CTDSPL2: variants seen among roughly 807,000 people sequenced by gnomAD.
The protein encoded by CTDSPL2 is CTD small phosphatase like 2.
In CTDSPL2, 5 loss-of-function variants were observed where a neutral mutation model predicts 60.0. The observed-to-expected ratio is 0.08, with a 90% CI of 0.04 to 0.18. The LOEUF is 0.18. CTDSPL2 is among the 10% of genes least tolerant of loss of function. The pLI is 1.00. For synonymous variants in CTDSPL2, 186 were observed against 189.3 expected (o/e 0.98, Z 0.14); for missense variants, 370 against 548.8 (o/e 0.67, Z 3.26).
chr15:44,516,957 A>C (rs2081664365), intron 10 of CTDSPL2: 1 of 152,008 alleles, frequency 6.6e-6, no homozygotes. Context: ...CTCCTGCCTC[A>C]GCCTCCTGAT....
chr15:44,516,103 A>G (rs2081650202), intron 10 of CTDSPL2, among the ~76,000 whole-genome samples: 1 of 150,296 alleles, frequency 6.7e-6, no homozygotes, highest in African/African-American at 2.5e-5. Flanking sequence ...AGTAGCTGGG[A>G]CTACAGGTGT....
intron 8 of CTDSPL2, chr15:44,501,816 T>G (rs2081386360): frequency 3.0e-6 from 1 of 334,624 alleles, no homozygotes; most frequent in East Asian, 7.7e-5. Context: ...TAGTTAATAT[T>G]GGGTACATTC....
At chr15:44,462,382 A>G (rs766779206) in intron 2 of CTDSPL2, among the ~76,000 whole-genome samples, 15 of 152,038 alleles carry the variant, frequency 9.9e-5, no homozygotes, top group South Asian at 4.1e-4. Flanking sequence ...AGGGAAGACA[A>G]TTTTTCCAGG....
At chr15:44,486,826 A>T (rs2081129534) in intron 4 of CTDSPL2, 126 bp downstream of exon 4, 1 of 624,192 alleles carries the variant, frequency 1.6e-6, no homozygotes, top group African/African-American at 2.0e-5. Flanking sequence ...CAGTGACGCG[A>T]TCTCCCCGCT....
At chr15:44,438,136 C>T (rs982921754) in intron 1 of CTDSPL2, among the ~76,000 whole-genome samples, 2 of 152,112 alleles carry the variant, frequency 1.3e-5, no homozygotes, top group African/African-American at 4.8e-5. Flanking sequence ...TGGTGGTGGG[C>T]GCCTGTAGTC....
intron 1 of CTDSPL2, among the ~76,000 whole-genome samples, chr15:44,434,267 G>T (rs2079927164): frequency 6.6e-6 from 1 of 152,112 alleles, no homozygotes; most frequent in African/African-American, 2.4e-5. Flanking sequence ...GGGCATGGTG[G>T]CGCATGCCTG....
intron 3 of CTDSPL2, 132 bp downstream of exon 3, chr15:44,484,494 G>C (rs2081084880): frequency 2.4e-6 from 2 of 849,688 alleles, no homozygotes; most frequent in Non-Finnish European, 3.6e-6. Context: ...TCACATTTTG[G>C]GAGGCCGAGG....
chr15:44,438,124 C>T (rs1162819975), intron 1 of CTDSPL2, among the ~76,000 whole-genome samples: 1 of 152,078 alleles, frequency 6.6e-6, no homozygotes, highest in East Asian at 1.9e-4. Context: ...ATTAGCCAGG[C>T]GTGGTGGTGG....
At chr15:44,430,862 C>T (rs985941948) in intron 1 of CTDSPL2, among the ~76,000 whole-genome samples, 15 of 151,744 alleles carry the variant, frequency 9.9e-5, no homozygotes, top group African/African-American at 3.4e-4. Flanking sequence ...GCTCTTATTG[C>T]CCAGGCTGGA....
intron 2 of CTDSPL2, among the ~76,000 whole-genome samples, chr15:44,467,615 C>G (rs1366619658): frequency 1.3e-5 from 2 of 151,988 alleles, no homozygotes; most frequent in African/African-American, 2.4e-5. Context: ...ACTCTCTCGC[C>G]CAGGCTGGAG....
intron 8 of CTDSPL2, among the ~76,000 whole-genome samples, chr15:44,510,194 C>T (rs1019176820): frequency 4.6e-5 from 7 of 152,092 alleles, no homozygotes; most frequent in African/African-American, 1.2e-4. Flanking sequence ...GACAGGGTTT[C>T]AACATGTTAG....
intron 2 of CTDSPL2, 144 bp downstream of exon 2, chr15:44,459,344 G>T (rs1257213245): frequency 6.3e-6 from 3 of 478,424 alleles, no homozygotes; most frequent in Non-Finnish European, 1.1e-5. Context: ...TGGCTAACAC[G>T]GTGAAACCCC....
At chr15:44,506,412 C>CTTTTT (rs764238056) in intron 8 of CTDSPL2, among the ~76,000 whole-genome samples, 17 of 112,388 alleles carry the variant, frequency 1.5e-4, no homozygotes, top group East Asian at 1.2e-3. Context: ...CCTACTTTGA[C>CTTTTT]TTTTTTTTTT....
chr15:44,484,382 CT>C lies in CTDSPL2; in HGVS notation c.325+21del, dbSNP rs1308266093. 6.2e-7 allele frequency: 1 copy of C among 1,603,880 alleles called. No homozygotes were observed. The highest frequency in any genetic ancestry group is 1.3e-5 in the African/African-American group (1 of 74,624). On this transcript the variant is annotated intron_variant, in intron 3 of 12. Transcript: ENST00000260327. ...ATGGAGGTTTGTTAATATTTAGATACTGTTTTATTTAGGTGTAAGCAGAGAT... is the reference window on the plus strand; with the variant it reads ...ATGGAGGTTTGTTAATATTTAGATACGTTTTATTTAGGTGTAAGCAGAGAT...
chr15:44,487,987 A>G (rs2081150254), intron 4 of CTDSPL2, among the ~76,000 whole-genome samples: 1 of 151,902 alleles, frequency 6.6e-6, no homozygotes, highest in African/African-American at 2.4e-5. Context: ...ATGTGGTGGC[A>G]TGTGCCTGTA....
intron 4 of CTDSPL2, among the ~76,000 whole-genome samples, chr15:44,489,297 T>C (rs994983212): frequency 7.9e-5 from 12 of 152,136 alleles, no homozygotes; most frequent in African/African-American, 2.4e-4. Flanking sequence ...GAGGGATTTC[T>C]TGATGGATGA....
At chr15:44,459,512 C>T (rs1235250353) in intron 2 of CTDSPL2, among the ~76,000 whole-genome samples, 5 of 151,946 alleles carry the variant, frequency 3.3e-5, no homozygotes, top group Admixed American at 6.5e-5. Context: ...TGGGCGACAG[C>T]GGGACTCCGT....
At chr15:44,507,185 A>G (rs965853783) in intron 8 of CTDSPL2, among the ~76,000 whole-genome samples, 14 of 151,082 alleles carry the variant, frequency 9.3e-5, no homozygotes, top group African/African-American at 3.2e-4. Flanking sequence ...CCTGGGTTCA[A>G]GCGATTCTCC....
At chr15:44,487,920 C>T (rs929825156) in intron 4 of CTDSPL2, among the ~76,000 whole-genome samples, 9 of 151,878 alleles carry the variant, frequency 5.9e-5, no homozygotes, top group African/African-American at 1.5e-4. Context: ...TCAAGACCAG[C>T]CTGACTAACA....
Sources: allele counts gnomAD v4.1 joint callset (sites outside exome capture counted in the v4.1 genomes callset), GRCh38; gene constraint gnomAD v4.1.1; transcripts MANE v1.5; gene names NCBI Gene and HGNC (gene_info 2026-07-23, HGNC 2026-07-21).